CXCL13: variants seen among roughly 807,000 people sequenced by gnomAD.
The protein encoded by CXCL13 is C-X-C motif chemokine 13.
Under a neutral mutation model 12.2 loss-of-function variants are expected in CXCL13, and 7 were observed. The ratio of observed to expected loss-of-function variants is 0.57; its 90% CI spans 0.33 to 1.07. The LOEUF is 1.07. CXCL13 is among the 50% of genes least tolerant of loss of function. CXCL13 has a pLI of 0.04. For missense variants in CXCL13, 113 were observed against 127.4 expected (o/e 0.89, Z 0.55); for synonymous variants, 47 against 42.4 (o/e 1.11, Z -0.42).
intron 1 of CXCL13, among the ~76,000 whole-genome samples, chr4:77,536,275 C>T (rs1317917448): frequency 1.3e-5 from 2 of 152,144 alleles, no homozygotes. Context: ...AAATTTTGAT[C>T]ATTATGGAAT....
rs948952745 is a variant in CXCL13, at chr4:77,512,866, T to C, written c.-43+1078T>C. ...CATAGGTATACATGTGCCGTGTTGG[T>C]GTGCTGCACCCATTAACTCATCATT... On this transcript the variant is annotated intron_variant, in intron 1 of 4. Transcript: ENST00000286758. 4.2e-4 allele frequency among the ~76,000 whole-genome samples: 64 copies of C among 152,164 alleles called. 1 individual carries two copies. The highest frequency in any genetic ancestry group is 1.5e-3 in the African/African-American group (62 of 41,434).
intron 1 of CXCL13, among the ~76,000 whole-genome samples, chr4:77,567,753 G>A (rs2109816611): frequency 6.6e-6 from 1 of 152,264 alleles, no homozygotes; most frequent in South Asian, 2.1e-4. Flanking sequence ...GTGTATAAAT[G>A]CCATGGGAAT....
chr4:77,598,190 G>A (rs1220990429), intron 1 of CXCL13, among the ~76,000 whole-genome samples: 2 of 152,254 alleles, frequency 1.3e-5, no homozygotes, highest in Non-Finnish European at 2.9e-5. Flanking sequence ...ACAAGGGGCT[G>A]TGGAATATGC....
intron 1 of CXCL13, among the ~76,000 whole-genome samples, chr4:77,571,051 G>A (rs355666): frequency 0.35 from 52,850 of 151,856 alleles, 9,675 homozygotes; most frequent in South Asian, 0.43. Flanking sequence ...GAGTGTGAGC[G>A]CATGGCGCGG....
At chr4:77,588,943 C>G (rs1671291776) in intron 1 of CXCL13, among the ~76,000 whole-genome samples, 1 of 152,198 alleles carries the variant, frequency 6.6e-6, no homozygotes, top group South Asian at 2.1e-4. Flanking sequence ...AAATTACCCC[C>G]ATGGTTGAAG....
chr4:77,593,447 C>T (rs1480819974), intron 1 of CXCL13, among the ~76,000 whole-genome samples: 1 of 152,142 alleles, frequency 6.6e-6, no homozygotes, highest in Non-Finnish European at 1.5e-5. Flanking sequence ...AGTGGACATC[C>T]CCGTGAGACT....
At chr4:77,529,554 G>A (rs1286724096) in intron 1 of CXCL13, among the ~76,000 whole-genome samples, 5 of 152,194 alleles carry the variant, frequency 3.3e-5, no homozygotes, top group Non-Finnish European at 7.3e-5. Flanking sequence ...GTGAATGGGA[G>A]TTCCCTCATG....
intron 1 of CXCL13, among the ~76,000 whole-genome samples, chr4:77,577,102 T>C (rs1467131354): frequency 1.3e-5 from 2 of 152,286 alleles, no homozygotes; most frequent in East Asian, 1.9e-4. Flanking sequence ...TCTGAGCAAT[T>C]ATCCTGCAAA....
At chr4:77,588,039 G>A (rs1274190811) in intron 1 of CXCL13, among the ~76,000 whole-genome samples, 1 of 152,218 alleles carries the variant, frequency 6.6e-6, no homozygotes, top group Non-Finnish European at 1.5e-5. Flanking sequence ...CTTGAAGGGT[G>A]CTGATGTAGG....
chr4:77,575,602 C>T (rs1726179685), intron 1 of CXCL13, among the ~76,000 whole-genome samples: 1 of 151,836 alleles, frequency 6.6e-6, no homozygotes, highest in Admixed American at 6.6e-5. Context: ...CTGCTTCATC[C>T]ATGTCCCTGC....
At chr4:77,544,058 C>A (rs1025220060) in intron 1 of CXCL13, among the ~76,000 whole-genome samples, 2 of 152,096 alleles carry the variant, frequency 1.3e-5, no homozygotes, top group Non-Finnish European at 2.9e-5. Context: ...CATCCATGTC[C>A]CTACAAAGGA....
chr4:77,512,620 C>T (rs987243219), intron 1 of CXCL13, among the ~76,000 whole-genome samples: 1 of 152,024 alleles, frequency 6.6e-6, no homozygotes, highest in African/African-American at 2.4e-5. Context: ...TGGATTAGGG[C>T]CCATCCTGAT....
intron 1 of CXCL13, among the ~76,000 whole-genome samples, chr4:77,513,898 G>A (rs975882804): frequency 6.6e-6 from 1 of 151,352 alleles, no homozygotes; most frequent in African/African-American, 2.4e-5. Flanking sequence ...CTGGTGTGCT[G>A]CAACCACTAA....
At position 77,594,596 on chromosome 4, in the gene CXCL13, G is replaced by A. The variant is rs572993268; in HGVS notation, c.-42-11228G>A. ...ACAGTGGCCTGGGCTCTGTTGACAG[G>A]CAGCTGGGCAGGTCCAGGGGCATAC... On this transcript the variant is annotated intron_variant, in intron 1 of 4. Coordinates refer to the CXCL13 transcript ENST00000286758. Among the ~76,000 whole-genome samples, 6 of 150,402 alleles carry A rather than the reference G, an allele frequency of 4.0e-5. No individual in the cohort carries two copies. The South Asian group carries it at 1.2e-3, about 31-fold the overall frequency.
intron 1 of CXCL13, among the ~76,000 whole-genome samples, chr4:77,521,619 A>T (rs1724601933): frequency 6.6e-6 from 1 of 150,714 alleles, no homozygotes; most frequent in Admixed American, 6.6e-5. Flanking sequence ...TCTCTTTATT[A>T]GTCTTGCTAG....
chr4:77,553,705 C>T (rs1725586980), intron 1 of CXCL13, among the ~76,000 whole-genome samples: 1 of 152,202 alleles, frequency 6.6e-6, no homozygotes, highest in Admixed American at 6.5e-5. Flanking sequence ...TAGTGGATTC[C>T]CATTTTCCTT....
intron 1 of CXCL13, among the ~76,000 whole-genome samples, chr4:77,563,781 A>AGGGG (rs755804119): frequency 1.3e-5 from 2 of 152,246 alleles, no homozygotes; most frequent in Non-Finnish European, 2.9e-5. Context: ...CCTCATTGTT[A>AGGGG]GAATATATTG....
chr4:77,523,134 C>T (rs1724658623), intron 1 of CXCL13, among the ~76,000 whole-genome samples: 1 of 152,084 alleles, frequency 6.6e-6, no homozygotes, highest in African/African-American at 2.4e-5. Flanking sequence ...CTCTGGCTGC[C>T]CTTAACATTT....
intron 1 of CXCL13, among the ~76,000 whole-genome samples, chr4:77,568,898 T>A (rs1726000256): frequency 1.3e-5 from 2 of 152,180 alleles, no homozygotes; most frequent in African/African-American, 2.4e-5. Context: ...TTTCTTATTG[T>A]CTCTTTATTT....
Sources: allele counts gnomAD v4.1 joint callset (sites outside exome capture counted in the v4.1 genomes callset), GRCh38; gene constraint gnomAD v4.1.1; transcripts MANE v1.5; gene names NCBI Gene and HGNC (gene_info 2026-07-23, HGNC 2026-07-21).